Variants in SASH1 observed in about 807,000 individuals in gnomAD.
The protein encoded by SASH1 is SAM and SH3 domain-containing protein 1.
SASH1 carries 44 observed loss-of-function variants against 125.2 expected under a neutral mutation model. The ratio of observed to expected loss-of-function variants is 0.35; its 90% confidence interval spans 0.28 to 0.45. The LOEUF (loss-of-function observed/expected upper bound fraction) is 0.45. Among genes scored for constraint, SASH1 ranks in the 20% least tolerant of loss-of-function variants. The pLI is 1.00. For synonymous variants in SASH1, 639 were observed against 649.1 expected, an observed-to-expected ratio of 0.98 and a Z score of 0.24; for missense variants, 1,426 against 1,614.5, an observed-to-expected ratio of 0.88 and a Z score of 2.00.
chr6:148,254,606 A>C, the SASH1 span, among the ~76,000 whole-genome samples: 1 of 152,346 alleles, frequency 6.6e-6, no homozygotes, highest in East Asian at 1.9e-4. Context: ...GATGCTTAAC[A>C]TCACTAGTTA....
intron 2 of SASH1, among the ~76,000 whole-genome samples, chr6:148,412,077 G>A (rs569683065): frequency 2.9e-4 from 44 of 152,194 alleles, no homozygotes; most frequent in Admixed American, 1.8e-3. Flanking sequence ...CTCATGACTC[G>A]TTGTAACTTG....
chr6:148,368,942 T>C (rs1183224171), intron 1 of SASH1, among the ~76,000 whole-genome samples: 2 of 152,222 alleles, frequency 1.3e-5, no homozygotes, highest in African/African-American at 4.8e-5. Flanking sequence ...GGCATTCATA[T>C]GATGTGGGAA....
At chr6:148,206,851 T>C in the SASH1 span, among the ~76,000 whole-genome samples, 1 of 147,032 alleles carries the variant, frequency 6.8e-6, no homozygotes, top group Non-Finnish European at 1.5e-5. Context: ...AAATACATTA[T>C]GCATTAAAAA....
At chr6:148,304,095 G>A (rs9497997) in intron 1 of SASH1, among the ~76,000 whole-genome samples, 10,130 of 152,050 alleles carry the variant, frequency 0.067, 384 homozygotes, top group African/African-American at 0.11. Context: ...ACGAGGTCAG[G>A]AGTTCAAGAC....
intron 1 of SASH1, among the ~76,000 whole-genome samples, chr6:148,298,701 G>A (rs1779837634): frequency 2.4e-5 from 2 of 83,526 alleles, no homozygotes; most frequent in Admixed American, 1.2e-4. Context: ...AAGGAAGGAA[G>A]GAAGGAAGGA....
At chr6:148,245,712 G>A in the SASH1 span, among the ~76,000 whole-genome samples, 1 of 152,154 alleles carries the variant, frequency 6.6e-6, no homozygotes, top group Non-Finnish European at 1.5e-5. Flanking sequence ...TGGGGGCCAG[G>A]TGCGGTGGCT....
Position 148,358,733 on chromosome 6 carries a change from G to GTTTTTTTT in SASH1, c.156+15523_156+15530dup, listed in dbSNP as rs10673654. ...TCCTGTTTCCTAATGCCATGTTTTT[G>GTTTTTTTT]TTTTTTTTTTTTTTTTTTTTGAGAC... is the stretch of plus-strand genomic sequence containing the variant. On this transcript the variant is annotated intron_variant, in intron 1 of 19. Transcript: ENST00000367467. Among the ~76,000 whole-genome samples the GTTTTTTTT allele has an allele frequency of 7.9e-3, 953 of 120,594 alleles. 6 individuals are homozygous for GTTTTTTTT. The highest frequency in any genetic ancestry group is 0.011 in the Non-Finnish European group (651 of 59,788). 79.1% of individuals were successfully genotyped at this position (120,594 alleles called of 152,430 possible).
intron 2 of SASH1, among the ~76,000 whole-genome samples, chr6:148,395,336 A>G (rs1019703521): frequency 1.3e-5 from 2 of 152,232 alleles, no homozygotes; most frequent in Non-Finnish European, 2.9e-5. Flanking sequence ...AAACAAAAGG[A>G]CACTCAGCCT....
At chr6:148,268,056 T>A (rs1178646896), upstream of SASH1, among the ~76,000 whole-genome samples, 2 of 152,216 alleles carry the variant, frequency 1.3e-5, no homozygotes, top group Non-Finnish European at 2.9e-5. Context: ...GCTATTCCTC[T>A]GTGCTGGAAT....
At chr6:148,411,300 C>T (rs576032613) in intron 2 of SASH1, among the ~76,000 whole-genome samples, 4 of 151,432 alleles carry the variant, frequency 2.6e-5, no homozygotes, top group Non-Finnish European at 5.9e-5. Flanking sequence ...ATTGATTGAG[C>T]CTTACAGGTA....
chr6:148,195,480 G>A, the SASH1 span, among the ~76,000 whole-genome samples: 21 of 152,266 alleles, frequency 1.4e-4, no homozygotes, highest in Admixed American at 1.0e-3. Flanking sequence ...GAGAACTATC[G>A]GACTTATAAG....
chr6:148,230,467 TG>T, the SASH1 span, among the ~76,000 whole-genome samples: 1 of 152,164 alleles, frequency 6.6e-6, no homozygotes, highest in Non-Finnish European at 1.5e-5. Flanking sequence ...TGGGTGCCAC[TG>T]CTCCTAGCTA....
In SASH1 at chr6:148,468,461, G is replaced by A. The variant is rs1777949078; in HGVS notation, c.387-84G>A. On this transcript the variant is annotated intron_variant, in intron 4 of 19. Transcript: ENST00000367467. ...CCTGGCTGTATTAAGTAGTATTGATGCTGGGTCAAACTAGTTAGGAGGATT... is the reference window on the plus strand; with the variant it reads ...CCTGGCTGTATTAAGTAGTATTGATACTGGGTCAAACTAGTTAGGAGGATT... 3.9e-6 allele frequency: 4 copies of A among 1,025,030 alleles called. No homozygotes were observed. In the Middle Eastern group the frequency reaches 6.2e-4, roughly 159 times the overall value. The allele number at this position is 1,025,030 out of a possible 1,614,324, so 63.5% of individuals were successfully genotyped here. A position where few individuals can be genotyped will look rare whatever the true frequency, so the allele number is the denominator to read the frequency against.
chr6:148,286,874 G>A (rs931150563), intron 1 of SASH1, among the ~76,000 whole-genome samples: 5 of 152,136 alleles, frequency 3.3e-5, no homozygotes, highest in African/African-American at 1.2e-4. Context: ...CTGCAACCCA[G>A]AGCGGTCCAG....
chr6:148,267,716 T>C (rs531507846), upstream of SASH1, among the ~76,000 whole-genome samples: 1 of 152,184 alleles, frequency 6.6e-6, no homozygotes, highest in South Asian at 2.1e-4. Context: ...GTGATTCCAA[T>C]ATCCATCCAA....
intron 2 of SASH1, among the ~76,000 whole-genome samples, chr6:148,434,308 C>T (rs1192687561): frequency 1.3e-5 from 2 of 151,962 alleles, no homozygotes; most frequent in Non-Finnish European, 2.9e-5. Context: ...ATCTCCTGAC[C>T]TCGTGATCTG....
At chr6:148,263,378 A>C in the SASH1 span, among the ~76,000 whole-genome samples, 20 of 152,184 alleles carry the variant, frequency 1.3e-4, no homozygotes, top group Non-Finnish European at 5.9e-5. Flanking sequence ...CAGCATTTTG[A>C]TACAAACAGA....
the SASH1 span, among the ~76,000 whole-genome samples, chr6:148,244,885 G>A: frequency 2.6e-5 from 4 of 151,658 alleles, no homozygotes; most frequent in East Asian, 3.9e-4. Flanking sequence ...TCTGGGGCCT[G>A]GGGCCTGAGG....
At chr6:148,448,115 AGTGT>A (rs34309514) in intron 4 of SASH1, among the ~76,000 whole-genome samples, 3 of 146,816 alleles carry the variant, frequency 2.0e-5, no homozygotes, top group Non-Finnish European at 4.5e-5. Context: ...CAGTGGAGAG[AGTGT>A]GTGTGTGTGT....
Sources: allele counts gnomAD v4.1 joint callset (sites outside exome capture counted in the v4.1 genomes callset), GRCh38; gene constraint gnomAD v4.1.1; transcripts MANE v1.5; gene names NCBI Gene and HGNC (gene_info 2026-07-23, HGNC 2026-07-21).